AK9: variants seen among roughly 807,000 people sequenced by gnomAD.
AK9 encodes adenylate kinase 9, also known as adenylate kinase domain containing 1.
Under a neutral mutation model 239.6 loss-of-function variants are expected in AK9, and 191 were observed. The observed-to-expected ratio is 0.80, with a 90% CI of 0.71 to 0.90. The LOEUF is 0.90. Among genes scored for constraint, AK9 ranks in the 40% least tolerant of loss-of-function variants. The probability of loss-of-function intolerance (pLI) is 0.00; values close to 1 mark genes in which losing one functional copy is unlikely to be tolerated. For synonymous variants in AK9, 689 were observed against 721.0 expected, an observed-to-expected ratio of 0.96 and a Z score of 0.71; for missense variants, 1,995 against 2,214.7, an observed-to-expected ratio of 0.90 and a Z score of 1.99.
chr6:109,666,463 T>C (rs750969688), intron 5 of AK9, among the ~76,000 whole-genome samples: 7 of 151,930 alleles, frequency 4.6e-5, no homozygotes, highest in South Asian at 2.1e-4. Flanking sequence ...GATGGAGGAG[T>C]GGCGCACCCC....
intron 35 of AK9, among the ~76,000 whole-genome samples, chr6:109,500,347 T>C (rs1172170907): frequency 6.6e-6 from 1 of 152,150 alleles, no homozygotes; most frequent in Non-Finnish European, 1.5e-5. Context: ...AGAACAAAAA[T>C]GTAAGTACAC....
intron 12 of AK9, among the ~76,000 whole-genome samples, chr6:109,622,585 G>A (rs1294189290): frequency 6.9e-6 from 1 of 144,874 alleles, no homozygotes; most frequent in African/African-American, 2.5e-5. Context: ...TATATGCATA[G>A]TATGCTATAT....
At chr6:109,571,970 A>G (rs928158234) in intron 21 of AK9, among the ~76,000 whole-genome samples, 1 of 152,190 alleles carries the variant, frequency 6.6e-6, no homozygotes, top group Non-Finnish European at 1.5e-5. Context: ...CCTAAATTCC[A>G]TCCTAGACTT....
At chr6:109,665,612 T>C (rs759086206) in intron 5 of AK9, among the ~76,000 whole-genome samples, 35 of 152,212 alleles carry the variant, frequency 2.3e-4, no homozygotes, top group Non-Finnish European at 4.1e-4. Flanking sequence ...TGGGACACGA[T>C]GGCTGGCATT....
At chr6:109,542,721 A>G (rs1783056890) in intron 26 of AK9, among the ~76,000 whole-genome samples, 1 of 152,204 alleles carries the variant, frequency 6.6e-6, no homozygotes, top group Admixed American at 6.5e-5. Context: ...ACATTTAAAA[A>G]TTTGGGCTAT....
At position 109,668,837 on chromosome 6, in the gene AK9, C is replaced by T. The variant is rs2128330065; in HGVS notation, c.331+3082G>A. Among the ~76,000 whole-genome samples, 2 of 91,920 alleles carry T rather than the reference C, an allele frequency of 2.2e-5. 1 individual carries two copies. The highest frequency in any genetic ancestry group is 6.0e-5 in the African/African-American group (2 of 33,428). The allele number at this position is 91,920 out of a possible 152,430, so 60.3% of individuals were successfully genotyped here. On this transcript the variant is annotated intron_variant, in intron 5 of 40. Transcript: ENST00000424296. ...AGTTTGAAGTCAGGTAGCGTGACGC[C>T]TCCAGCTTTGTTCTTTTGGCTTAGG...
chr6:109,649,724 G>A (rs150873842), intron 8 of AK9, among the ~76,000 whole-genome samples: 2 of 152,140 alleles, frequency 1.3e-5, no homozygotes, highest in Non-Finnish European at 2.9e-5. Flanking sequence ...CACAGAATTG[G>A]AAAAAACTAC....
chr6:109,684,138 G>A (rs1773093197), intron 1 of AK9, among the ~76,000 whole-genome samples: 1 of 152,128 alleles, frequency 6.6e-6, no homozygotes, highest in Non-Finnish European at 1.5e-5. Context: ...GACACAAAAA[G>A]CAATGGGGAA....
intron 19 of AK9, among the ~76,000 whole-genome samples, chr6:109,584,544 C>G (rs1012486215): frequency 7.9e-5 from 12 of 152,094 alleles, no homozygotes; most frequent in African/African-American, 2.9e-4. Context: ...ATTCTTCAAT[C>G]TGAAGGACTT....
At chr6:109,523,842 G>C (rs1780132509) in intron 29 of AK9, among the ~76,000 whole-genome samples, 1 of 152,092 alleles carries the variant, frequency 6.6e-6, no homozygotes, top group South Asian at 2.1e-4. Context: ...TTCATTGCAG[G>C]CATGACAGAA....
chr6:109,578,730 A>G (rs1788441161), intron 20 of AK9, among the ~76,000 whole-genome samples: 1 of 152,096 alleles, frequency 6.6e-6, no homozygotes, highest in African/African-American at 2.4e-5. Flanking sequence ...AGAAGTTTTG[A>G]TAAGTTGTGT....
Position 109,494,735 on chromosome 6 carries a change from A to G in AK9, c.5418+603T>C, listed in dbSNP as rs13204749. On this transcript the variant is annotated intron_variant, in intron 39 of 40. Coordinates refer to ENST00000424296, the MANE Select transcript of AK9 (RefSeq NM_001145128.3). ...GACAAAGGTTTGACATTGTGCCCTA[A>G]GCATTTATTTTGTAGACTTTTTTTA... 4.2e-3 allele frequency among the ~76,000 whole-genome samples: 637 copies of G among 152,312 alleles called. 7 individuals are homozygous for G. Among genetic ancestry groups the G allele is most frequent in the Non-Finnish European group, 7.5e-3 (509 of 68,026 alleles).
chr6:109,493,578 A>G lies in AK9; in HGVS notation c.5534-7T>C, dbSNP rs1435502261. ...GAACCTTTGGGATTAAATGCTGTAG[A>G]AAATTTCACAGAACTGTGAATAATT... On this transcript the variant is annotated splice_region_variant and splice_polypyrimidine_tract_variant and intron_variant, in intron 40 of 40. Transcript: ENST00000424296. 2 of 1,606,808 alleles carry G rather than the reference A, an allele frequency of 1.2e-6. No homozygotes were observed.
intron 12 of AK9, among the ~76,000 whole-genome samples, chr6:109,622,338 C>A (rs1794970929): frequency 7.1e-6 from 1 of 141,482 alleles, no homozygotes; most frequent in South Asian, 2.2e-4. Flanking sequence ...TATGTATATA[C>A]TATAGTCATA....
chr6:109,535,678 C>G (rs1372610088), intron 27 of AK9, among the ~76,000 whole-genome samples: 2 of 152,174 alleles, frequency 1.3e-5, no homozygotes, highest in Admixed American at 1.3e-4. Flanking sequence ...GAAGTCCTTG[C>G]CCATGCCTGT....
intron 1 of AK9, among the ~76,000 whole-genome samples, chr6:109,683,819 C>G (rs1012763338): frequency 1.3e-5 from 2 of 152,212 alleles, no homozygotes; most frequent in African/African-American, 4.8e-5. Flanking sequence ...AATGGCCATA[C>G]TTCCCAAAGT....
chr6:109,493,893 G>A, intron 40 of AK9, 88 bp downstream of exon 40: 2 of 976,934 alleles, frequency 2.0e-6, no homozygotes, highest in Non-Finnish European at 1.5e-6. Context: ...CACCAAGCAG[G>A]CAACACAGTT....
chr6:109,582,659 T>C (rs1216375685), intron 19 of AK9, among the ~76,000 whole-genome samples: 3 of 152,094 alleles, frequency 2.0e-5, no homozygotes, highest in Non-Finnish European at 2.9e-5. Flanking sequence ...ACTGTTGAAA[T>C]TACAACAAAA....
intron 2 of AK9, 112 bp from the exon 3 acceptor site, chr6:109,674,373 A>T: frequency 1.4e-6 from 1 of 711,942 alleles, no homozygotes; most frequent in Non-Finnish European, 2.2e-6. Context: ...CAATGTTATA[A>T]TTTTTCCCAT....
Sources: gnomAD v4.1 joint callset for allele counts (sites outside exome capture counted in the v4.1 genomes callset) on GRCh38, gnomAD v4.1.1 for gene constraint, MANE v1.5 for transcripts, NCBI Gene and HGNC (gene_info 2026-07-23, HGNC 2026-07-21) for gene names.